The following CDH12 variants were observed in gnomAD, a reference collection of about 807,000 sequenced individuals.
CDH12 encodes cadherin 12.
Under a neutral mutation model 74.1 loss-of-function variants are expected in CDH12, and 41 were observed. The ratio of observed to expected loss-of-function variants is 0.55; its 90% CI spans 0.43 to 0.72. The LOEUF (loss-of-function observed/expected upper bound fraction) is 0.72, where lower values mean the gene tolerates loss of function less well. Among genes scored for constraint, CDH12 ranks in the 30% least tolerant of loss-of-function variants. The pLI is 0.00. For missense variants in CDH12, 945 were observed against 977.2 expected (o/e 0.97, Z 0.44); for synonymous variants, 399 against 355.0 (o/e 1.12, Z -1.39).
At chr5:22,206,158 C>T (rs950766800) in intron 4 of CDH12, among the ~76,000 whole-genome samples, 1 of 152,108 alleles carries the variant, frequency 6.6e-6, no homozygotes, top group Non-Finnish European at 1.5e-5. Flanking sequence ...CACTAGTCCA[C>T]CCATGGCAGC....
At chr5:22,481,533 G>A (rs1467975901) in intron 2 of CDH12, among the ~76,000 whole-genome samples, 2 of 152,120 alleles carry the variant, frequency 1.3e-5, no homozygotes, top group African/African-American at 2.4e-5. Flanking sequence ...AAAAAATAAG[G>A]AAAGCCTGCC....
At chr5:21,947,336 G>A (rs1755625627) in intron 6 of CDH12, among the ~76,000 whole-genome samples, 1 of 152,156 alleles carries the variant, frequency 6.6e-6, no homozygotes, top group Non-Finnish European at 1.5e-5. Flanking sequence ...AAGAAGACAG[G>A]AAGTTGTGAG....
chr5:22,386,909 G>A (rs1742023287), intron 3 of CDH12, among the ~76,000 whole-genome samples: 1 of 151,834 alleles, frequency 6.6e-6, no homozygotes, highest in Non-Finnish European at 1.5e-5. Context: ...TTAAAAATTT[G>A]AGAAATGTGA....
At chr5:22,303,762 AC>A (rs1737991654) in intron 3 of CDH12, among the ~76,000 whole-genome samples, 1 of 152,154 alleles carries the variant, frequency 6.6e-6, no homozygotes, top group Non-Finnish European at 1.5e-5. Context: ...CAATATGTCA[AC>A]TATGTTCAAC....
At chr5:22,153,869 TATGTATATATATATATATAA>T (rs1400704758) in intron 4 of CDH12, among the ~76,000 whole-genome samples, 29 of 63,294 alleles carry the variant, frequency 4.6e-4, no homozygotes, top group Middle Eastern at 0.014. Flanking sequence ...TATATATATA[TATGTATATATATATATATAA>T]ATATATATAT....
rs146857756 is a variant in CDH12 at position 21,910,912 on chromosome 5, C to T, written c.527-56122G>A. ...CAGAGGGTAAGGGAGCTAGAGGACT[C>T]AACAATACAAATCCAATTAGCAATT... On this transcript the variant is annotated intron_variant, in intron 6 of 14. Coordinates refer to ENST00000382254, the MANE Select transcript of CDH12 (RefSeq NM_004061.5). Among the ~76,000 whole-genome samples, 354 of 152,186 alleles carry T rather than the reference C, an allele frequency of 2.3e-3. 2 individuals are homozygous for T. The highest frequency in any genetic ancestry group is 8.0e-3 in the African/African-American group (331 of 41,520).
intron 4 of CDH12, among the ~76,000 whole-genome samples, chr5:22,098,163 C>A (rs1436814787): frequency 6.6e-6 from 1 of 152,190 alleles, no homozygotes; most frequent in African/African-American, 2.4e-5. Flanking sequence ...GACCCTGACA[C>A]CCATCAGGCT....
At chr5:22,453,189 G>A (rs1203726176) in intron 2 of CDH12, among the ~76,000 whole-genome samples, 1 of 151,918 alleles carries the variant, frequency 6.6e-6, no homozygotes, top group Non-Finnish European at 1.5e-5. Context: ...TTCTTAAAAA[G>A]CTAAAAATAA....
chr5:22,225,096 C>A (rs949620216), intron 3 of CDH12, among the ~76,000 whole-genome samples: 1 of 151,866 alleles, frequency 6.6e-6, no homozygotes, highest in Non-Finnish European at 1.5e-5. Context: ...TTCCAAAAAT[C>A]GACCAAAGCC....
chr5:22,772,556 T>A (rs1176554956), intron 1 of CDH12, among the ~76,000 whole-genome samples: 1 of 152,154 alleles, frequency 6.6e-6, no homozygotes, highest in Non-Finnish European at 1.5e-5. Context: ...GTTTTCCTAT[T>A]GTAATGGAAA....
At chr5:22,546,255 C>A (rs1738322959) in intron 1 of CDH12, among the ~76,000 whole-genome samples, 1 of 151,934 alleles carries the variant, frequency 6.6e-6, no homozygotes, top group African/African-American at 2.4e-5. Flanking sequence ...ATTGTTTTTG[C>A]ATCAGAAAAG....
intron 1 of CDH12, among the ~76,000 whole-genome samples, chr5:22,518,773 T>C (rs538577544): frequency 1.4e-4 from 21 of 152,336 alleles, no homozygotes; most frequent in Admixed American, 5.2e-4. Context: ...GTTTCACTGA[T>C]GCAAGGAGTG....
intron 3 of CDH12, among the ~76,000 whole-genome samples, chr5:22,315,945 A>G (rs925989244): frequency 6.6e-6 from 1 of 152,054 alleles, no homozygotes; most frequent in Non-Finnish European, 1.5e-5. Context: ...GTCTTACTCT[A>G]TAATGTCAGG....
intron 4 of CDH12, among the ~76,000 whole-genome samples, chr5:22,137,479 T>C (rs1442709565): frequency 6.6e-6 from 1 of 152,056 alleles, no homozygotes; most frequent in Non-Finnish European, 1.5e-5. Context: ...TAATGATGAC[T>C]AGATTAATTG....
intron 1 of CDH12, among the ~76,000 whole-genome samples, chr5:22,544,774 A>G (rs889068905): frequency 1.3e-5 from 2 of 151,786 alleles, no homozygotes; most frequent in African/African-American, 4.8e-5. Context: ...TTGATATTGC[A>G]CCACTGTACT....
chr5:21,888,381 ACAATG>A (rs563347145), intron 6 of CDH12, among the ~76,000 whole-genome samples: 74 of 152,310 alleles, frequency 4.9e-4, no homozygotes, highest in African/African-American at 1.8e-3. Flanking sequence ...TACATCACTA[ACAATG>A]CAGGGAGATA....
intron 1 of CDH12, among the ~76,000 whole-genome samples, chr5:22,710,563 G>T (rs7732630): frequency 6.6e-6 from 1 of 151,742 alleles, no homozygotes; most frequent in Non-Finnish European, 1.5e-5. Flanking sequence ...CTGAGGGTAA[G>T]GATTTTTGCT....
chr5:22,532,250 G>A (rs1269783520), intron 1 of CDH12, among the ~76,000 whole-genome samples: 1 of 149,432 alleles, frequency 6.7e-6, no homozygotes, highest in African/African-American at 2.5e-5. Context: ...TGTCTGTTAA[G>A]AAAGGAATTT....
intron 5 of CDH12, among the ~76,000 whole-genome samples, chr5:22,055,416 C>T (rs544317880): frequency 6.6e-6 from 1 of 152,256 alleles, no homozygotes; most frequent in East Asian, 1.9e-4. Flanking sequence ...CCTGCATTTT[C>T]ATTCCTGACA....
Sources: gnomAD v4.1 joint callset for allele counts (sites outside exome capture counted in the v4.1 genomes callset) on GRCh38, gnomAD v4.1.1 for gene constraint, MANE v1.5 for transcripts, NCBI Gene and HGNC (gene_info 2026-07-23, HGNC 2026-07-21) for gene names.